Variants in PRR16 observed in about 807,000 individuals in gnomAD.
PRR16 encodes protein Largen.
A neutral mutation model predicts 18.2 loss-of-function variants in PRR16; 6 were observed. The observed-to-expected ratio is 0.33, with a 90% confidence interval of 0.18 to 0.65. PRR16 has a LOEUF of 0.65. PRR16 is among the 30% of genes least tolerant of loss of function. The pLI, the probability that PRR16 is intolerant of heterozygous loss-of-function variation, is 0.74. For synonymous variants in PRR16, 151 were observed against 147.8 expected (o/e 1.02, Z -0.16); for missense variants, 412 against 376.6 (o/e 1.09, Z -0.78).
At chr5:120,667,309 A>T (rs1756421445) in intron 1 of PRR16, among the ~76,000 whole-genome samples, 1 of 148,706 alleles carries the variant, frequency 6.7e-6, no homozygotes, top group East Asian at 1.9e-4. Context: ...TATCCCCTTT[A>T]TCATTTTTTA....
At chr5:120,474,883 G>A (rs1749390335) in intron 1 of PRR16, among the ~76,000 whole-genome samples, 2 of 152,184 alleles carry the variant, frequency 1.3e-5, no homozygotes, top group African/African-American at 4.8e-5. Flanking sequence ...GTTTGTGAGT[G>A]AGATCAGAGG....
At chr5:120,749,672 C>A in the PRR16 span, among the ~76,000 whole-genome samples, 4 of 151,964 alleles carry the variant, frequency 2.6e-5, no homozygotes, top group Non-Finnish European at 5.9e-5. Context: ...TAATTAATAC[C>A]AAAACCTAGT....
In PRR16 at chr5:120,686,798, G is replaced by T; in HGVS notation, c.*89G>T. On this transcript the variant is annotated 3_prime_UTR_variant, in exon 2 of 2. Coordinates refer to ENST00000407149, the MANE Select transcript of PRR16 (RefSeq NM_001300783.2). The stretch of plus-strand genomic sequence containing the variant: ...GCACTTTCTACTCAAGCAATAAAAA[G>T]CCCAAATATATTAATCCTGCATTCA... 1 of 1,118,340 alleles carries T rather than the reference G, an allele frequency of 8.9e-7. No homozygotes were observed. Among genetic ancestry groups the T allele is most frequent in the East Asian group, 2.7e-5 (1 of 36,436 alleles). The allele number at this position is 1,118,340 out of a possible 1,614,324, so 69.3% of individuals were successfully genotyped here.
chr5:120,764,372 T>A, the PRR16 span, among the ~76,000 whole-genome samples: 2 of 152,164 alleles, frequency 1.3e-5, no homozygotes, highest in African/African-American at 4.8e-5. Flanking sequence ...TATCAATTTG[T>A]CTATGTTATA....
intron 1 of PRR16, among the ~76,000 whole-genome samples, chr5:120,519,261 T>TTTATCAGTTAC (rs1751095646): frequency 6.6e-6 from 1 of 152,150 alleles, no homozygotes; most frequent in Non-Finnish European, 1.5e-5. Flanking sequence ...TAATGAATAA[T>TTTATCAGTTAC]AAATTGTATC....
At chr5:120,759,894 G>A in the PRR16 span, among the ~76,000 whole-genome samples, 3 of 151,886 alleles carry the variant, frequency 2.0e-5, no homozygotes, top group Admixed American at 6.6e-5. Context: ...TTAGAAGGTT[G>A]GGGGATCCCA....
chr5:120,716,777 C>T, the PRR16 span, among the ~76,000 whole-genome samples: 1 of 152,134 alleles, frequency 6.6e-6, no homozygotes, highest in Non-Finnish European at 1.5e-5. Flanking sequence ...GAGGCTAAAG[C>T]AGGAGAATTG....
chr5:120,627,013 A>T (rs1342006214), intron 1 of PRR16, among the ~76,000 whole-genome samples: 1 of 152,160 alleles, frequency 6.6e-6, no homozygotes, highest in African/African-American at 2.4e-5. Context: ...GAAGAGCTGC[A>T]AAGCTTAAAA....
At chr5:120,497,093 A>G (rs1046975308) in intron 1 of PRR16, among the ~76,000 whole-genome samples, 1 of 152,120 alleles carries the variant, frequency 6.6e-6, no homozygotes, top group Non-Finnish European at 1.5e-5. Flanking sequence ...AATTCTAATA[A>G]AGTAGCTGAG....
the PRR16 span, among the ~76,000 whole-genome samples, chr5:120,728,457 T>G: frequency 6.6e-6 from 1 of 152,056 alleles, no homozygotes; most frequent in African/African-American, 2.4e-5. Context: ...GATGACATAA[T>G]TATGAAGTGA....
chr5:120,729,294 A>T, the PRR16 span, among the ~76,000 whole-genome samples: 4 of 152,262 alleles, frequency 2.6e-5, no homozygotes, highest in Admixed American at 2.6e-4. Flanking sequence ...ATTCAGATTC[A>T]TGCTCTCCAG....
At chr5:120,573,169 C>CT (rs1231697212) in intron 1 of PRR16, among the ~76,000 whole-genome samples, 3 of 151,626 alleles carry the variant, frequency 2.0e-5, no homozygotes, top group African/African-American at 7.2e-5. Context: ...AAACTAATGT[C>CT]TGTGACTTTA....
chr5:120,778,554 T>G, the PRR16 span, among the ~76,000 whole-genome samples: 21 of 152,300 alleles, frequency 1.4e-4, no homozygotes, highest in Non-Finnish European at 2.8e-4. Flanking sequence ...GACAACTAGA[T>G]GTTTTCCCAA....
the PRR16 span, among the ~76,000 whole-genome samples, chr5:120,749,372 A>G: frequency 3.3e-5 from 5 of 152,218 alleles, no homozygotes; most frequent in Non-Finnish European, 4.4e-5. Context: ...TAATTATGTC[A>G]CATAAATTAT....
At chr5:120,530,496 C>G (rs552261188) in intron 1 of PRR16, among the ~76,000 whole-genome samples, 1 of 151,214 alleles carries the variant, frequency 6.6e-6, no homozygotes, top group East Asian at 1.9e-4. Context: ...TTTTTGTAGT[C>G]CCCCATATTG....
chr5:120,688,759 G>A (rs1031353848), downstream of PRR16, among the ~76,000 whole-genome samples: 8 of 152,236 alleles, frequency 5.3e-5, no homozygotes, highest in Admixed American at 2.6e-4. Flanking sequence ...ATCCAAGCCC[G>A]ATCCCAAGGT....
At chr5:120,475,629 C>G (rs1229131808) in intron 1 of PRR16, among the ~76,000 whole-genome samples, 2 of 152,000 alleles carry the variant, frequency 1.3e-5, no homozygotes, top group African/African-American at 4.8e-5. Flanking sequence ...CCCAGCCACT[C>G]TGGAGCCTGA....
chr5:120,676,299 C>T (rs1220246576), intron 1 of PRR16, among the ~76,000 whole-genome samples: 7 of 152,112 alleles, frequency 4.6e-5, no homozygotes, highest in Non-Finnish European at 7.4e-5. Context: ...TGTATTGCTC[C>T]TAAAACATCT....
chr5:120,547,992 T>C (rs1380591600), intron 1 of PRR16, among the ~76,000 whole-genome samples: 2 of 152,084 alleles, frequency 1.3e-5, no homozygotes, highest in African/African-American at 2.4e-5. Context: ...TGAATAACTA[T>C]GATAAATTAT....
Sources: allele counts gnomAD v4.1 joint callset (sites outside exome capture counted in the v4.1 genomes callset), GRCh38; gene constraint gnomAD v4.1.1; transcripts MANE v1.5; gene names NCBI Gene and HGNC (gene_info 2026-07-23, HGNC 2026-07-21).